HRNR: variants seen among roughly 807,000 people sequenced by gnomAD.
The protein encoded by HRNR is hornerin, also known as filaggrin family member 3.
In HRNR, 7 loss-of-function variants were observed where a neutral mutation model predicts 4.8. That is an observed-to-expected ratio of 1.47 (90% confidence interval 0.83 to 2.75). HRNR has a LOEUF of 2.75. HRNR is among the 30% of genes most tolerant of loss of function. HRNR has a pLI of 0.00. For missense variants in HRNR, 2,879 were observed against 3,010.4 expected, an observed-to-expected ratio of 0.96 and a Z score of 1.02; for synonymous variants, 1,023 against 1,242.7, an observed-to-expected ratio of 0.82 and a Z score of 3.72.
Position 152,218,664 on chromosome 1 carries a change from C to G in HRNR, c.2965G>C (p.Gly989Arg), listed in dbSNP as rs1249446833. 2 of 1,613,856 alleles carry G rather than the reference C, an allele frequency of 1.2e-6. No homozygotes were observed. The highest frequency in any genetic ancestry group is 1.7e-6 in the Non-Finnish European group (2 of 1,179,996). ...SSSSYGQHGS[G>R]SRQSLGHGQH... The stretch of plus-strand genomic sequence containing the variant: ...CCGTGGCCCAAAGACTGACGGGAGC[C>G]AGACCCATGCTGACCATAGCTGGAA... Residue 989 changes from glycine (G) to arginine (R), a missense_variant, in exon 3 of 3, where the codon GGC becomes CGC. Physicochemically the swap from Gly to Arg is moderately radical, Grantham distance 125 (BLOSUM62 -2). Around this residue, in one of 8 missense-constraint regions of HRNR, gnomAD observed 2,646 missense variants for 1,377.7 expected, o/e 1.92. Coordinates refer to ENST00000368801, the MANE Select transcript of HRNR (RefSeq NM_001009931.3).
chr1:152,223,185 C>T lies in HRNR; in HGVS notation c.69G>A (p.Gly23=). Residue 23 remains glycine, a synonymous_variant, in exon 2 of 3, where the codon GGG becomes GGA. Coordinates refer to ENST00000368801, the MANE Select transcript of HRNR (RefSeq NM_001009931.3). ...CTGCCTTGTTCAACGTATCATACTCCCCATGCTGGGTGGCATATTGGTAGA... is the reference window on the plus strand; with the variant it reads ...CTGCCTTGTTCAACGTATCATACTCTCCATGCTGGGTGGCATATTGGTAGA... ...DVFYQYATQH[G]EYDTLNKAEL... 1 of 1,613,706 alleles carries T rather than the reference C, an allele frequency of 6.2e-7. No homozygotes were observed. The highest frequency in any genetic ancestry group is 8.5e-7 in the Non-Finnish European group (1 of 1,179,668).
Position 152,213,005 on chromosome 1 carries a change from A to G in HRNR, c.*71T>C. ...TTTCATGATGGATTGCTTGTCTTTCATGATGAATTCATAGATGACTTTCCT... is the reference window on the plus strand; with the variant it reads ...TTTCATGATGGATTGCTTGTCTTTCGTGATGAATTCATAGATGACTTTCCT... On this transcript the variant is annotated 3_prime_UTR_variant, in exon 3 of 3. Transcript: ENST00000368801. 2 of 1,539,330 alleles carry G rather than the reference A, an allele frequency of 1.3e-6. No homozygotes were observed. The highest frequency in any genetic ancestry group is 2.3e-5 in the East Asian group (1 of 44,326).
rs763111366 is a variant in HRNR, at chr1:152,219,064, G to C, written c.2565C>G (p.Gly855=). 6.2e-7 allele frequency: 1 copy of C among 1,610,734 alleles called. No homozygotes were observed. Among genetic ancestry groups the C allele is most frequent in the Non-Finnish European group, 8.5e-7 (1 of 1,178,988 alleles). The change falls in exon 3 of 3, where the codon GGC becomes GGG. Residue 855 remains glycine, a synonymous_variant. Coordinates refer to ENST00000368801, the MANE Select transcript of HRNR (RefSeq NM_001009931.3). ...ATTGACCTGAGCTAGAGTCATGTTGGCCGGAGCTTGATGACTGCCCTGACG... is the reference window on the plus strand; with the variant it reads ...ATTGACCTGAGCTAGAGTCATGTTGCCCGGAGCTTGATGACTGCCCTGACG... ...GSTSGQSSSS[G]QHDSSSGQSS... is the part of the protein sequence containing the mutation.
At position 152,213,014 on chromosome 1, in the gene HRNR, T is replaced by C; in HGVS notation, c.*62A>G. ...GGATTGCTTGTCTTTCATGATGAAT[T>C]CATAGATGACTTTCCTATTTCTTAA... On this transcript the variant is annotated 3_prime_UTR_variant, in exon 3 of 3. Coordinates refer to ENST00000368801, the MANE Select transcript of HRNR (RefSeq NM_001009931.3). The C allele has an allele frequency of 6.4e-7, 1 of 1,553,306 alleles. No individual in the cohort carries two copies. Among genetic ancestry groups the C allele is most frequent in the Admixed American group, 1.9e-5 (1 of 51,758 alleles).
In HRNR at chr1:152,219,186, A is replaced by C; in HGVS notation, c.2443T>G (p.Ser815Ala). 1 of 1,613,976 alleles carries C rather than the reference A, an allele frequency of 6.2e-7. No homozygotes were observed. Among genetic ancestry groups the C allele is most frequent in the Non-Finnish European group, 8.5e-7 (1 of 1,180,004 alleles). Reference sequence around the variant, plus strand: ...CCAGACTCGTGTTGCCCAAAACCAGAAGCCTGGCCTGAGCCAGACTCATAA... The same window carrying C: ...CCAGACTCGTGTTGCCCAAAACCAGCAGCCTGGCCTGAGCCAGACTCATAA... ...GHYESGSGQA[S>A]GFGQHESGSG... Residue 815 changes from serine (S) to alanine (A), a missense_variant, in exon 3 of 3, where the codon TCT becomes GCT. Ser to Ala is a moderately conservative substitution (Grantham distance 99). Transcript: ENST00000368801.
chr1:152,220,800 A>G lies in HRNR; in HGVS notation c.829T>C (p.Ser277Pro). The G allele has an allele frequency of 6.2e-7, 1 of 1,613,800 alleles. No individual in the cohort carries two copies. Among genetic ancestry groups the G allele is most frequent in the South Asian group, 1.1e-5 (1 of 91,066 alleles). Residue 277 changes from serine (S) to proline (P), a missense_variant, in exon 3 of 3, where the codon TCA (serine) becomes CCA (proline). Ser to Pro is a moderately conservative substitution (Grantham distance 74). Coordinates refer to ENST00000368801, the MANE Select transcript of HRNR (RefSeq NM_001009931.3). ...TGACCATAGCTGGAAGACGAACCTG[A>G]GCTAGATCTGTGTCGTTCACCCCTA... The part of the protein sequence containing the change: ...SSRGERHRSS[S>P]GSSSSYGQHG...
intron 1 of HRNR, 36 bp from the exon 2 acceptor site, chr1:152,223,314 A>C: frequency 7.6e-7 from 1 of 1,310,856 alleles, no homozygotes; most frequent in Admixed American, 2.1e-5. Context: ...ACCCCTTACT[A>C]TTCTTATTTC....
chr1:152,220,897 G>C lies in HRNR; in HGVS notation c.732C>G (p.Tyr244Ter), dbSNP rs1211934807. The C allele has an allele frequency of 1.9e-6, 3 of 1,613,778 alleles. No homozygotes were observed. The highest frequency in any genetic ancestry group is 1.3e-5 in the African/African-American group (1 of 74,828). ...GACCTGAGCCAGATCCATGCTGACT[G>C]TAACCAGAGGACTGCCCTGAGCTAG... is the stretch of plus-strand genomic sequence containing the variant. ...HKSSSGQSSG[Y>*]SQHGSGSGHS... The change falls in exon 3 of 3, where the codon TAC (tyrosine) becomes TAG (stop). Residue 244 changes from tyrosine (Y) to a stop codon, truncating the protein, a stop_gained. Coordinates refer to ENST00000368801, the MANE Select transcript of HRNR (RefSeq NM_001009931.3). LOFTEE classifies it low-confidence loss of function (END_TRUNC).
rs1305156401 is a variant in HRNR, at chr1:152,213,195, A to G, written c.8434T>C (p.Tyr2812His). 6.2e-7 allele frequency: 1 copy of G among 1,614,164 alleles called. No homozygotes were observed. Among genetic ancestry groups the G allele is most frequent in the Non-Finnish European group, 8.5e-7 (1 of 1,180,046 alleles). The change falls in exon 3 of 3, where the codon TAT becomes CAT. Residue 2812 changes from tyrosine to histidine, a missense_variant. Coordinates refer to ENST00000368801, the MANE Select transcript of HRNR (RefSeq NM_001009931.3). ...TCATGGTTACTTCCTCCTTTGCAATAAGAATACCCATCTTGCCCTGAGCCA... is the reference window on the plus strand; with the variant it reads ...TCATGGTTACTTCCTCCTTTGCAATGAGAATACCCATCTTGCCCTGAGCCA... ...GSGSGQDGYS[Y>H]CKGGSNHDGG...
Position 152,220,351 on chromosome 1 carries a change from G to A in HRNR, c.1278C>T (p.His426=), listed in dbSNP as rs11204936. The change falls in exon 3 of 3, where the codon CAC becomes CAT. Residue 426 remains histidine (H), a synonymous_variant. Coordinates refer to ENST00000368801, the MANE Select transcript of HRNR (RefSeq NM_001009931.3). ...GCCCTGACCCAGACCCACGCTGGCC[G>A]TGGCCTGGAGACTGGCCAGATCCAG... is the stretch of plus-strand genomic sequence containing the variant. ...HSSGSGQSPG[H]GQRGSGSGQS... 3.5e-3 allele frequency: 5,631 copies of A among 1,612,940 alleles called. 160 individuals are homozygous for A. In the African/African-American group the frequency reaches 0.065, roughly 19 times the overall value.
intron 2 of HRNR, among the ~76,000 whole-genome samples, chr1:152,221,731 G>T (rs750467702): frequency 6.6e-6 from 1 of 151,968 alleles, no homozygotes; most frequent in Non-Finnish European, 1.5e-5. Flanking sequence ...GAAACAAGAG[G>T]GCTGATTATT....
chr1:152,212,967 C>T lies in HRNR; in HGVS notation c.*109G>A, dbSNP rs1048851522. ...AAAGAGACAGAAATGCATTGATTCA[C>T]TTTTAGAACGAATTTCATGATGGAT... On this transcript the variant is annotated 3_prime_UTR_variant, in exon 3 of 3. Transcript: ENST00000368801. The T allele has an allele frequency of 1.4e-6, 2 of 1,451,146 alleles. No homozygotes were observed. Among genetic ancestry groups the T allele is most frequent in the African/African-American group, 2.8e-5 (2 of 70,456 alleles). The allele number at this position is 1,451,146 out of a possible 1,614,324, so 89.9% of individuals were successfully genotyped here. A position where few individuals can be genotyped will look rare whatever the true frequency, so the allele number is the denominator to read the frequency against.
In HRNR at chr1:152,218,900, C is replaced by G; in HGVS notation, c.2729G>C (p.Gly910Ala). The G allele has an allele frequency of 1.2e-6, 2 of 1,613,814 alleles. No homozygotes were observed. Among genetic ancestry groups the G allele is most frequent in the Non-Finnish European group, 1.7e-6 (2 of 1,179,912 alleles). ...SGQSPSYGRH[G>A]SGSGRSSSSG... ...GCTGGAAGACCGACCGGAGCCAGAC[C>G]CATGTCGGCCATAGCTGGGAGACTG... The change falls in exon 3 of 3, where the codon GGG (glycine) becomes GCG (alanine). Residue 910 changes from glycine (G) to alanine (A), a missense_variant. Around this residue, in one of 8 missense-constraint regions of HRNR, gnomAD observed 2,646 missense variants for 1,377.7 expected, o/e 1.92. Coordinates refer to ENST00000368801, the MANE Select transcript of HRNR (RefSeq NM_001009931.3).
rs1347015777 is a variant in HRNR, at chr1:152,212,632, AAAATTAGGGTACACTAAT to A, written c.*426_*443del. 4.5e-5 allele frequency: 8 copies of A among 176,078 alleles called. No individual in the cohort carries two copies. The East Asian group carries it at 1.3e-3, about 30-fold the overall frequency. The allele number at this position is 176,078 out of a possible 1,614,324, so 10.9% of individuals were successfully genotyped here. A position where few individuals can be genotyped will look rare whatever the true frequency, so the allele number is the denominator to read the frequency against. ...GACACACCAAACTTGGGGCACACTAAAAATTAGGGTACACTAATTGCTGTAAAACAAAGCTTTGTATCT... is the reference window on the plus strand; with the variant it reads ...GACACACCAAACTTGGGGCACACTAATGCTGTAAAACAAAGCTTTGTATCT... On this transcript the variant is annotated 3_prime_UTR_variant, in exon 3 of 3. Coordinates refer to ENST00000368801, the MANE Select transcript of HRNR (RefSeq NM_001009931.3).
rs1648987605 is a variant in HRNR at position 152,221,212 on chromosome 1, G to C, written c.417C>G (p.Ser139=). 8.1e-6 allele frequency: 13 copies of C among 1,614,180 alleles called. No homozygotes were observed. In the African/African-American group the frequency reaches 1.2e-4, roughly 15 times the overall value. The change falls in exon 3 of 3, where the codon TCC becomes TCG. Residue 139 remains serine (S), a synonymous_variant. Transcript: ENST00000368801. The part of the protein sequence containing the change: ...HSSWSAGEND[S]YSRNVRGSLK... ...GACTTCCTCTGACGTTTCTGGAATA[G>C]GAATCATTCTCTCCTGCACTCCAAC...
chr1:152,219,460 G>T lies in HRNR; in HGVS notation c.2169C>A (p.Ser723=). 6.2e-7 allele frequency: 1 copy of T among 1,613,970 alleles called. No individual in the cohort carries two copies. The highest frequency in any genetic ancestry group is 8.5e-7 in the Non-Finnish European group (1 of 1,180,004). Residue 723 remains serine, a synonymous_variant, in exon 3 of 3, where the codon TCC becomes TCA. Coordinates refer to ENST00000368801, the MANE Select transcript of HRNR (RefSeq NM_001009931.3). ...YSQHGSGSSH[S]SGYRKHGSRS... is the part of the protein sequence containing the mutation. ...TAGAGCCGTGTTTTCTGTAGCCGGAGGAGTGACTTGAGCCAGATCCATGCT... is the reference window on the plus strand; with the variant it reads ...TAGAGCCGTGTTTTCTGTAGCCGGATGAGTGACTTGAGCCAGATCCATGCT...
Position 152,219,433 on chromosome 1 carries a change from C to A in HRNR, c.2196G>T (p.Arg732Ser). Residue 732 changes from arginine to serine, a missense_variant, in exon 3 of 3, where the codon AGG becomes AGT. This residue lies in a region of HRNR where 2,646 missense variants were observed against 1,377.7 expected (regional missense o/e 1.92). Coordinates refer to ENST00000368801, the MANE Select transcript of HRNR (RefSeq NM_001009931.3). The stretch of plus-strand genomic sequence containing the variant: ...GTTCACTCCTAGATGACTGTCCTGA[C>A]CTAGAGCCGTGTTTTCTGTAGCCGG... ...HSSGYRKHGS[R>S]SGQSSRSEQH... 1 of 1,613,790 alleles carries A rather than the reference C, an allele frequency of 6.2e-7. No homozygotes were observed. The highest frequency in any genetic ancestry group is 8.5e-7 in the Non-Finnish European group (1 of 1,179,958).
chr1:152,213,659 C>G lies in HRNR; in HGVS notation c.7970G>C (p.Arg2657Pro). The G allele has an allele frequency of 6.8e-7, 1 of 1,461,094 alleles. No individual in the cohort carries two copies. Among genetic ancestry groups the G allele is most frequent in the Non-Finnish European group, 9.3e-7 (1 of 1,077,754 alleles). 90.5% of individuals were successfully genotyped at this position (1,461,094 alleles called of 1,614,324 possible). A position where few individuals can be genotyped will look rare whatever the true frequency, so the allele number is the denominator to read the frequency against. Residue 2657 changes from arginine (R) to proline (P), a missense_variant, in exon 3 of 3, where the codon CGA becomes CCA. By Grantham distance (103) the Arg-to-Pro change is moderately radical. This residue lies in a region of HRNR where 10 missense variants were observed against 55.2 expected (regional missense o/e 0.18). Transcript: ENST00000368801. ...GGAGTGCCCCAAACCGGACCCATGT[C>G]GGCCGCGGCTAGGGGACTGGCCAGA... is the stretch of plus-strand genomic sequence containing the variant. ...SGSGQSPSRG[R>P]HGSGLGHSSS...
intron 2 of HRNR, among the ~76,000 whole-genome samples, chr1:152,221,826 A>T (rs1419627149): frequency 1.3e-5 from 2 of 152,182 alleles, no homozygotes; most frequent in African/African-American, 2.4e-5. Flanking sequence ...TATCAACTTT[A>T]TTTATCCAAT....
Sources: allele counts gnomAD v4.1 joint callset (sites outside exome capture counted in the v4.1 genomes callset), GRCh38; gene constraint gnomAD v4.1.1; regional missense constraint gnomAD v4.1.1; transcripts MANE v1.5; gene names NCBI Gene and HGNC (gene_info 2026-07-23, HGNC 2026-07-21).